TNIP2: variants seen among roughly 807,000 people sequenced by gnomAD.
The protein encoded by TNIP2 is TNFAIP3-interacting protein 2.
In TNIP2, 30 loss-of-function variants were observed where a neutral mutation model predicts 43.7. The ratio of observed to expected loss-of-function variants is 0.69; its 90% CI spans 0.51 to 0.93. The LOEUF is 0.93. Among genes scored for constraint, TNIP2 ranks in the 40% least tolerant of loss-of-function variants. The pLI is 0.00. For synonymous variants in TNIP2, 260 were observed against 254.6 expected (o/e 1.02, Z -0.20); for missense variants, 599 against 591.0 (o/e 1.01, Z -0.14).
In TNIP2 at chr4:2,747,738, C is replaced by T. The variant is rs201862092; in HGVS notation, c.484G>A (p.Ala162Thr). 30 of 1,607,904 alleles carry T rather than the reference C, an allele frequency of 1.9e-5. No homozygotes were observed. The highest frequency in any genetic ancestry group is 1.2e-4 in the Admixed American group (7 of 60,014). Reference protein sequence around the residue: ...HQLRRTLTATAHMCQHLAKCL... With the variant: ...HQLRRTLTATTHMCQHLAKCL... ...TTGGCCAGATGCTGACACATGTGGG[C>T]GGTGGCGGTCAGCGTCCTCCGCAGC... The change falls in exon 2 of 6, where the codon GCC (alanine) becomes ACC (threonine). Residue 162 changes from alanine to threonine, a missense_variant. Transcript: ENST00000315423.
chr4:2,756,236 G>A lies in TNIP2; in HGVS notation c.54C>T (p.Ala18=). 5 of 1,454,662 alleles carry A rather than the reference G, an allele frequency of 3.4e-6. No homozygotes were observed. The highest frequency in any genetic ancestry group is 4.5e-6 in the Non-Finnish European group (5 of 1,109,334). The allele number at this position is 1,454,662 out of a possible 1,614,324, so 90.1% of individuals were successfully genotyped here. A position where few individuals can be genotyped will look rare whatever the true frequency, so the allele number is the denominator to read the frequency against. ...CCTCGTGGTACAGGGTGCAGAGCGC[G>A]GCAGCTGCGCGCGGGGCCTCCTCCC... ...GGWEEAPRAA[A]ALCTLYHEAG... Residue 18 remains alanine, a synonymous_variant, in exon 1 of 6, where the codon GCC becomes GCT. Transcript: ENST00000315423.
chr4:2,745,442 T>G lies in TNIP2; in HGVS notation c.657+4A>C. 1 of 1,604,668 alleles carries G rather than the reference T, an allele frequency of 6.2e-7. No homozygotes were observed. Among genetic ancestry groups the G allele is most frequent in the Non-Finnish European group, 8.5e-7 (1 of 1,172,054 alleles). ...TTCTCAAACGAAATGTGAAAGACAC[T>G]CACGTGAGTCACCTTCTGTTTTAAC... On this transcript the variant is annotated splice_donor_region_variant and intron_variant, in intron 3 of 5. Coordinates refer to ENST00000315423, the MANE Select transcript of TNIP2 (RefSeq NM_024309.4).
chr4:2,747,722 T>C lies in TNIP2; in HGVS notation c.500A>G (p.His167Arg). ...TLTATAHMCQ[H>R]LAKCLDERQH... ...TCGTTCATCCAGACACTTGGCCAGA[T>C]GCTGACACATGTGGGCGGTGGCGGT... The change falls in exon 2 of 6, where the codon CAT becomes CGT. Residue 167 changes from histidine to arginine, a missense_variant. Transcript: ENST00000315423. 13 of 1,606,282 alleles carry C rather than the reference T, an allele frequency of 8.1e-6. No homozygotes were observed. The highest frequency in any genetic ancestry group is 1.1e-5 in the Non-Finnish European group (13 of 1,179,974).
chr4:2,745,768 C>G (rs1721933301), intron 2 of TNIP2, among the ~76,000 whole-genome samples: 1 of 152,280 alleles, frequency 6.6e-6, no homozygotes. Context: ...GGCCACACCA[C>G]CTTTCACACT....
In TNIP2 at chr4:2,756,254, C is replaced by G. The variant is rs1207593036; in HGVS notation, c.36G>C (p.Glu12Asp). 15 of 1,436,844 alleles carry G rather than the reference C, an allele frequency of 1.0e-5. No homozygotes were observed. Among genetic ancestry groups the G allele is most frequent in the Non-Finnish European group, 1.3e-5 (14 of 1,099,572 alleles). 89.0% of individuals were successfully genotyped at this position (1,436,844 alleles called of 1,614,324 possible). ...SRDPGSGGWE[E>D]APRAAAALCT... The stretch of plus-strand genomic sequence containing the variant: ...AGAGCGCGGCAGCTGCGCGCGGGGC[C>G]TCCTCCCAGCCGCCCGACCCCGGGT... The change falls in exon 1 of 6, where the codon GAG becomes GAC. Residue 12 changes from glutamate to aspartate, a missense_variant. Coordinates refer to ENST00000315423, the MANE Select transcript of TNIP2 (RefSeq NM_024309.4).
intron 1 of TNIP2, 25 bp downstream of exon 1, chr4:2,755,989 G>A: frequency 6.5e-7 from 1 of 1,527,548 alleles, no homozygotes; most frequent in Non-Finnish European, 8.7e-7. Flanking sequence ...CGCTCCCGCA[G>A]CTCCTCTGGT....
intron 2 of TNIP2, 67 bp downstream of exon 2, chr4:2,747,586 CAG>C: frequency 6.6e-7 from 1 of 1,518,900 alleles, no homozygotes; most frequent in East Asian, 2.3e-5. Flanking sequence ...CCTCTGTGAT[CAG>C]GGGCCTGTAG....
chr4:2,741,810 C>T lies in TNIP2; in HGVS notation c.*447G>A, dbSNP rs975309958. Reference sequence around the variant, plus strand: ...GGCGGGGGTGGCCACCCTAGTGTGACGTGCAGCCGCAATACTCCATTTGAC... The same window carrying T: ...GGCGGGGGTGGCCACCCTAGTGTGATGTGCAGCCGCAATACTCCATTTGAC... On this transcript the variant is annotated 3_prime_UTR_variant, in exon 6 of 6. Transcript: ENST00000315423. 8 of 158,948 alleles carry T rather than the reference C, an allele frequency of 5.0e-5. No homozygotes were observed. Among genetic ancestry groups the T allele is most frequent in the Non-Finnish European group, 9.6e-5 (7 of 72,900 alleles). The allele number at this position is 158,948 out of a possible 1,614,324, so 9.8% of individuals were successfully genotyped here.
At chr4:2,746,720 C>T (rs574541594) in intron 2 of TNIP2, among the ~76,000 whole-genome samples, 2 of 152,362 alleles carry the variant, frequency 1.3e-5, no homozygotes, top group African/African-American at 2.4e-5. Context: ...AGAAAGGACC[C>T]GAGCGAGAGG....
chr4:2,743,414 A>G (rs1721848929), intron 5 of TNIP2, among the ~76,000 whole-genome samples: 1 of 152,108 alleles, frequency 6.6e-6, no homozygotes, highest in Admixed American at 6.5e-5. Flanking sequence ...TGCTCCTTCA[A>G]TCCAAATCAC....
chr4:2,751,633 C>T (rs539151599), intron 1 of TNIP2, among the ~76,000 whole-genome samples: 2 of 152,056 alleles, frequency 1.3e-5, no homozygotes, highest in Admixed American at 6.6e-5. Context: ...ATTAGCCAGG[C>T]ATGGTGGTGG....
At chr4:2,745,397 A>AGT in intron 3 of TNIP2, 49 bp downstream of exon 3, 2 of 1,398,316 alleles carry the variant, frequency 1.4e-6, no homozygotes. Context: ...CCTCACTTAC[A>AGT]GTTTGTAAGC....
intron 3 of TNIP2, chr4:2,745,245 T>A: frequency 1.6e-6 from 1 of 609,640 alleles, no homozygotes; most frequent in South Asian, 2.0e-5. Context: ...ACTTGTGGAT[T>A]AATTTTAGGG....
chr4:2,756,248 C>T lies in TNIP2; in HGVS notation c.42G>A (p.Pro14=), dbSNP rs1708991. 480 of 1,446,996 alleles carry T rather than the reference C, an allele frequency of 3.3e-4. 1 individual carries two copies. In the African/African-American group the frequency reaches 6.3e-3, roughly 19 times the overall value. 89.6% of individuals were successfully genotyped at this position (1,446,996 alleles called of 1,614,324 possible). Residue 14 remains proline (P), a synonymous_variant, in exon 1 of 6, where the codon CCG becomes CCA. Coordinates refer to ENST00000315423, the MANE Select transcript of TNIP2 (RefSeq NM_024309.4). ...DPGSGGWEEA[P]RAAAALCTLY... is the part of the protein sequence containing the mutation. ...GGGTGCAGAGCGCGGCAGCTGCGCG[C>T]GGGGCCTCCTCCCAGCCGCCCGACC...
chr4:2,755,579 C>A, intron 1 of TNIP2, among the ~76,000 whole-genome samples: 1 of 148,654 alleles, frequency 6.7e-6, no homozygotes, highest in Non-Finnish European at 1.5e-5. Flanking sequence ...TCAAACCCCC[C>A]AGGACCCAGC....
In TNIP2 at chr4:2,745,501, C is replaced by G. The variant is rs372188734; in HGVS notation, c.602G>C (p.Ser201Thr). 1.1e-5 allele frequency: 18 copies of G among 1,613,950 alleles called. No homozygotes were observed. Among genetic ancestry groups the G allele is most frequent in the Non-Finnish European group, 1.5e-5 (18 of 1,179,964 alleles). Residue 201 changes from serine (S) to threonine (T), a missense_variant, in exon 3 of 6, where the codon AGT (serine) becomes ACT (threonine). Transcript: ENST00000315423. The stretch of plus-strand genomic sequence containing the variant: ...TTCTTCCTGCAACTTCTCAATAACA[C>G]TCTGGACAGAGGTGTGCCCATCTGT... Reference protein sequence around the residue: ...EHTDGHTSVQSVIEKLQEENR... With the variant: ...EHTDGHTSVQTVIEKLQEENR...
Position 2,744,924 on chromosome 4 carries a change from A to T in TNIP2, c.679T>A (p.Trp227Arg), listed in dbSNP as rs544627242. The T allele has an allele frequency of 6.2e-7, 1 of 1,608,278 alleles. No individual in the cohort carries two copies. Among genetic ancestry groups the T allele is most frequent in the South Asian group, 1.1e-5 (1 of 90,988 alleles). The change falls in exon 4 of 6, where the codon TGG becomes AGG. Residue 227 changes from tryptophan to arginine, a missense_variant. Coordinates refer to ENST00000315423, the MANE Select transcript of TNIP2 (RefSeq NM_024309.4). This position sits in a 1 kb window ranked among gnomAD's most constrained non-coding sequence, Gnocchi z 5.1. ...VTHVEDLNAK[W>R]QRYNASRDEY... ...TCCCTGCTGGCGTTGTAGCGCTGCC[A>T]CTTGGCATTGAGGTCTTCAACCTGA... is the stretch of plus-strand genomic sequence containing the variant.
chr4:2,743,481 T>C (rs1296353441), intron 5 of TNIP2, among the ~76,000 whole-genome samples: 1 of 152,198 alleles, frequency 6.6e-6, no homozygotes, highest in Admixed American at 6.5e-5. Context: ...TGCTGCAGAC[T>C]TAGTCCCAGG....
At position 2,756,326 on chromosome 4, in the gene TNIP2, G is replaced by C. The variant is rs1722252560; in HGVS notation, c.-37C>G. The C allele has an allele frequency of 1.7e-6, 2 of 1,172,784 alleles. No homozygotes were observed. Among genetic ancestry groups the C allele is most frequent in the African/African-American group, 3.2e-5 (2 of 62,008 alleles). 72.6% of individuals were successfully genotyped at this position (1,172,784 alleles called of 1,614,324 possible). A position where few individuals can be genotyped will look rare whatever the true frequency, so the allele number is the denominator to read the frequency against. On this transcript the variant is annotated 5_prime_UTR_variant, in exon 1 of 6. Transcript: ENST00000315423. ...CGCCCGGGAGGCCGCGCGGCCGCCG[G>C]CAACTTCCGCGCCCGGGCCCCGCCG... is the stretch of plus-strand genomic sequence containing the variant.
Sources: allele counts gnomAD v4.1 joint callset (sites outside exome capture counted in the v4.1 genomes callset), GRCh38; gene constraint gnomAD v4.1.1; non-coding constraint Gnocchi (gnomAD v3.1); transcripts MANE v1.5; gene names NCBI Gene and HGNC (gene_info 2026-07-23, HGNC 2026-07-21).